The following EXTL3 variants were observed in gnomAD, a reference collection of about 807,000 sequenced individuals.
The protein encoded by EXTL3 is exostosin like glycosyltransferase 3, also known as exostosin-like 3.
Under a neutral mutation model 69.3 loss-of-function variants are expected in EXTL3, and 27 were observed. That is an observed-to-expected ratio of 0.39 (90% CI 0.29 to 0.54). EXTL3 has a LOEUF of 0.54. EXTL3 is among the 20% of genes least tolerant of loss of function. The pLI is 0.69. For missense variants in EXTL3, 1,003 were observed against 1,231.8 expected, an observed-to-expected ratio of 0.81 and a Z score of 2.78; for synonymous variants, 511 against 499.4, an observed-to-expected ratio of 1.02 and a Z score of -0.31.
intron 1 of EXTL3, among the ~76,000 whole-genome samples, chr8:28,668,891 T>A (rs1807241998): frequency 7.6e-6 from 1 of 131,246 alleles, no homozygotes; most frequent in Admixed American, 7.4e-5. Context: ...TGAGACAGAG[T>A]CTTACTGTGT....
In EXTL3 at chr8:28,663,641, G is replaced by A. The variant is rs185607198; in HGVS notation, c.-53+40831G>A. On this transcript the variant is annotated intron_variant, in intron 1 of 6. Transcript: ENST00000523149. ...TAAATTTTAAATTTTTAGTAGAGAC[G>A]AGGTTTCACCATGTTGGCCAGGCTG... 5.0e-4 allele frequency among the ~76,000 whole-genome samples: 76 copies of A among 152,094 alleles called. 1 individual carries two copies. In the East Asian group the frequency reaches 0.012, roughly 25 times the overall value.
chr8:28,743,301 C>A, intron 6 of EXTL3, 87 bp downstream of exon 6: 1 of 1,394,026 alleles, frequency 7.2e-7, no homozygotes, highest in Non-Finnish European at 1.0e-6. Context: ...CTGCACTGTA[C>A]CTCAGAGTCC....
chr8:28,743,041 T>G, intron 5 of EXTL3, 45 bp from the exon 6 acceptor site: 1 of 1,612,802 alleles, frequency 6.2e-7, no homozygotes, highest in Non-Finnish European at 8.5e-7. Context: ...GCCAACAACC[T>G]GTGTCTTGTA....
chr8:28,711,699 A>G (rs1382003967), intron 1 of EXTL3, among the ~76,000 whole-genome samples: 1 of 152,208 alleles, frequency 6.6e-6, no homozygotes, highest in African/African-American at 2.4e-5. Context: ...TATTCAATAC[A>G]ATATATTATT....
At chr8:28,718,590 G>A (rs1352228348) in intron 3 of EXTL3, among the ~76,000 whole-genome samples, 3 of 152,130 alleles carry the variant, frequency 2.0e-5, no homozygotes, top group Admixed American at 6.5e-5. Flanking sequence ...ACATATTATC[G>A]CTGTTTCTTC....
At chr8:28,695,652 ACT>A (rs1800674792) in intron 1 of EXTL3, among the ~76,000 whole-genome samples, 1 of 152,218 alleles carries the variant, frequency 6.6e-6, no homozygotes, top group African/African-American at 2.4e-5. Context: ...TAGATCAAGC[ACT>A]CTGTCACGTG....
At chr8:28,705,373 C>G (rs770600317) in intron 1 of EXTL3, among the ~76,000 whole-genome samples, 1 of 152,036 alleles carries the variant, frequency 6.6e-6, no homozygotes, top group Non-Finnish European at 1.5e-5. Context: ...GATGGTAAAG[C>G]GTCTCAAGCT....
At chr8:28,726,584 T>A (rs775502883) in intron 3 of EXTL3, among the ~76,000 whole-genome samples, 2 of 152,124 alleles carry the variant, frequency 1.3e-5, no homozygotes, top group Non-Finnish European at 2.9e-5. Context: ...ACATTTTGGG[T>A]CAGATAATTC....
intron 2 of EXTL3, among the ~76,000 whole-genome samples, chr8:28,611,965 G>A (rs1326600830): frequency 2.0e-5 from 3 of 152,218 alleles, no homozygotes; most frequent in Admixed American, 6.5e-5. Flanking sequence ...ACAGCAAAGA[G>A]AAAAGGGCTC....
Position 28,725,450 on chromosome 8 carries a change from C to T in EXTL3, c.2149-5773C>T, listed in dbSNP as rs143397750. Among the ~76,000 whole-genome samples, 9 of 148,178 alleles carry T rather than the reference C, an allele frequency of 6.1e-5. No homozygotes were observed. The East Asian group carries it at 9.6e-4, about 16-fold the overall frequency. ...TAAATACTAAGAGGTTTCCTAATTC[C>T]TCTCTATCATTCTTTAAGATTATTA... On this transcript the variant is annotated intron_variant, in intron 3 of 6. Coordinates refer to ENST00000220562, the MANE Select transcript of EXTL3 (RefSeq NM_001440.4).
intron 1 of EXTL3, among the ~76,000 whole-genome samples, chr8:28,670,107 G>A (rs980150652): frequency 1.3e-5 from 2 of 148,916 alleles, no homozygotes; most frequent in African/African-American, 5.0e-5. Context: ...TACTTGGGGA[G>A]CTGAGGCAGA....
rs561844534 is a variant in EXTL3 at position 28,616,852 on chromosome 8, C to T, written n.314+9094C>T. Among the ~76,000 whole-genome samples the T allele has an allele frequency of 2.0e-3, 311 of 152,270 alleles. 2 individuals are homozygous for T. The highest frequency in any genetic ancestry group is 0.014 in the Middle Eastern group (4 of 294). ...CTTCATCTGCCTTGGAACGCATTGC[C>T]TCGGAACCAGCTGTGGACACTGAAG... On this transcript the variant is annotated intron_variant and non_coding_transcript_variant, in intron 2 of 4. Transcript: ENST00000522725.
intron 1 of EXTL3, among the ~76,000 whole-genome samples, chr8:28,701,939 C>T (rs896514721): frequency 2.6e-5 from 4 of 152,122 alleles, no homozygotes; most frequent in African/African-American, 7.2e-5. Flanking sequence ...CCCCTCCCCG[C>T]CCCCACACGC....
chr8:28,716,079 T>C lies in EXTL3; in HGVS notation c.20T>C (p.Leu7Pro). MTGYTMLRNGGAGNGGQ... is the reference protein window; with the variant it reads MTGYTMPRNGGAGNGGQ... ...GGACTCATGACAGGCTATACCATGC[T>C]GCGGAATGGGGGCGCGGGGAACGGA... The change falls in exon 3 of 7, where the codon CTG becomes CCG. Residue 7 changes from leucine (L) to proline (P), a missense_variant. Coordinates refer to ENST00000220562, the MANE Select transcript of EXTL3 (RefSeq NM_001440.4). This position sits in a 1 kb window ranked among gnomAD's most constrained non-coding sequence, Gnocchi z 7.1. 1 of 1,609,410 alleles carries C rather than the reference T, an allele frequency of 6.2e-7. No individual in the cohort carries two copies. Among genetic ancestry groups the C allele is most frequent in the African/African-American group, 1.3e-5 (1 of 75,066 alleles).
intron 1 of EXTL3, among the ~76,000 whole-genome samples, chr8:28,653,694 G>A (rs1181966741): frequency 6.6e-6 from 1 of 152,056 alleles, no homozygotes; most frequent in African/African-American, 2.4e-5. Flanking sequence ...GTTTATTTCT[G>A]GGTTCTAAAT....
chr8:28,731,969 C>T (rs1484421658), intron 4 of EXTL3, among the ~76,000 whole-genome samples: 1 of 152,146 alleles, frequency 6.6e-6, no homozygotes, highest in East Asian at 1.9e-4. Context: ...TTATCTCATT[C>T]ATCCTTCTAA....
chr8:28,738,063 G>A (rs1055981158), intron 5 of EXTL3, among the ~76,000 whole-genome samples: 1 of 152,138 alleles, frequency 6.6e-6, no homozygotes, highest in Non-Finnish European at 1.5e-5. Context: ...CCTGTCCCGG[G>A]CCCCACGATG....
chr8:28,742,072 A>G (rs183094993), intron 5 of EXTL3: 7 of 152,240 alleles, frequency 4.6e-5, no homozygotes, highest in Admixed American at 1.3e-4. Context: ...GAAGTTATCA[A>G]CATGAGTCAC....
At chr8:28,643,479 A>G (rs1246965472) in intron 1 of EXTL3, among the ~76,000 whole-genome samples, 2 of 146,180 alleles carry the variant, frequency 1.4e-5, no homozygotes, top group Non-Finnish European at 3.0e-5. Flanking sequence ...CAGTGGTGCT[A>G]TCTTGGCTCA....
Sources: allele counts gnomAD v4.1 joint callset (sites outside exome capture counted in the v4.1 genomes callset), GRCh38; gene constraint gnomAD v4.1.1; non-coding constraint Gnocchi (gnomAD v3.1); transcripts MANE v1.5; gene names NCBI Gene and HGNC (gene_info 2026-07-23, HGNC 2026-07-21).